DSCAML1: variants seen among roughly 807,000 people sequenced by gnomAD.
DSCAML1 encodes the protein cell adhesion molecule DSCAML1.
Under a neutral mutation model 200.5 loss-of-function variants are expected in DSCAML1, and 38 were observed. The ratio of observed to expected loss-of-function variants is 0.19; its 90% CI spans 0.15 to 0.25. The LOEUF is 0.25. Ranked by LOEUF, DSCAML1 falls within the 10% of genes least tolerant of loss-of-function variation. The pLI is 1.00. For missense variants in DSCAML1, 2,223 were observed against 2,858.8 expected (o/e 0.78, Z 5.07); for synonymous variants, 1,215 against 1,165.0 (o/e 1.04, Z -0.87).
At chr11:117,798,761 G>A (rs574808241), upstream of DSCAML1, among the ~76,000 whole-genome samples, 44 of 152,196 alleles carry the variant, frequency 2.9e-4, no homozygotes, top group Non-Finnish European at 5.6e-4. Flanking sequence ...TTCAAGGTTC[G>A]TCCTTTAAAC....
At chr11:117,655,131 G>A (rs1415155414) in intron 3 of DSCAML1, among the ~76,000 whole-genome samples, 1 of 152,206 alleles carries the variant, frequency 6.6e-6, no homozygotes, top group African/African-American at 2.4e-5. Context: ...CTCACACGCA[G>A]GTCTGCAGCC....
At chr11:117,686,638 C>A (rs2053404757) in intron 3 of DSCAML1, among the ~76,000 whole-genome samples, 1 of 152,214 alleles carries the variant, frequency 6.6e-6, no homozygotes, top group Non-Finnish European at 1.5e-5. Context: ...GACTACGGCA[C>A]CTTCAAGAGT....
At chr11:117,447,170 C>T (rs1350580786) in intron 20 of DSCAML1, among the ~76,000 whole-genome samples, 1 of 152,172 alleles carries the variant, frequency 6.6e-6, no homozygotes, top group African/African-American at 2.4e-5. Context: ...TGCCTGTAAT[C>T]TCAGCTCCTT....
chr11:117,630,773 G>A (rs1468947132), intron 3 of DSCAML1, among the ~76,000 whole-genome samples: 1 of 150,676 alleles, frequency 6.6e-6, no homozygotes, highest in Admixed American at 6.6e-5. Context: ...AGCCTTTCCT[G>A]AAAAGCATCC....
At chr11:117,721,044 G>A (rs2137795213) in intron 3 of DSCAML1, among the ~76,000 whole-genome samples, 1 of 152,322 alleles carries the variant, frequency 6.6e-6, no homozygotes, top group East Asian at 1.9e-4. Flanking sequence ...CCATTGTACA[G>A]ATGAGAAAAC....
chr11:117,599,804 C>T (rs571268568), intron 3 of DSCAML1, among the ~76,000 whole-genome samples: 10 of 152,274 alleles, frequency 6.6e-5, no homozygotes, highest in East Asian at 3.9e-4. Context: ...ACATCAATAG[C>T]GACGCACGCT....
intron 3 of DSCAML1, among the ~76,000 whole-genome samples, chr11:117,678,210 ATGG>A (rs1388717860): frequency 1.3e-5 from 2 of 152,126 alleles, no homozygotes; most frequent in Non-Finnish European, 2.9e-5. Flanking sequence ...CAGCTGGGGA[ATGG>A]TGAAGCCAGG....
chr11:117,624,449 G>A (rs531112838), intron 3 of DSCAML1, among the ~76,000 whole-genome samples: 1 of 152,196 alleles, frequency 6.6e-6, no homozygotes, highest in Non-Finnish European at 1.5e-5. Flanking sequence ...TTGAGGGGGC[G>A]AAGGTTGGAA....
intron 3 of DSCAML1, among the ~76,000 whole-genome samples, chr11:117,695,330 T>C (rs1425049403): frequency 6.7e-6 from 1 of 150,122 alleles, no homozygotes; most frequent in African/African-American, 2.4e-5. Context: ...TTTTTTTTTT[T>C]TTTTGCTAAC....
At chr11:117,601,614 G>A (rs1235123747) in intron 3 of DSCAML1, among the ~76,000 whole-genome samples, 1 of 152,130 alleles carries the variant, frequency 6.6e-6, no homozygotes, top group Admixed American at 6.5e-5. Flanking sequence ...CCTGAGAGAG[G>A]CAACACTATA....
intron 3 of DSCAML1, among the ~76,000 whole-genome samples, chr11:117,597,431 A>G (rs1297932971): frequency 1.3e-5 from 2 of 152,174 alleles, no homozygotes; most frequent in Admixed American, 1.3e-4. Flanking sequence ...AGCCTGCAAG[A>G]AGGAGGACCT....
intron 1 of DSCAML1, among the ~76,000 whole-genome samples, chr11:117,796,110 G>A (rs1380935836): frequency 6.6e-6 from 1 of 152,260 alleles, no homozygotes; most frequent in Non-Finnish European, 1.5e-5. Flanking sequence ...TCCCGACTCA[G>A]TGCCCAGGTG....
chr11:117,549,462 T>A (rs564751337), intron 3 of DSCAML1, among the ~76,000 whole-genome samples: 1 of 152,228 alleles, frequency 6.6e-6, no homozygotes, highest in Non-Finnish European at 1.5e-5. Context: ...TGAAGTCAGA[T>A]AGACTTCCGT....
chr11:117,625,017 G>A (rs1464600121), intron 3 of DSCAML1, among the ~76,000 whole-genome samples: 2 of 152,188 alleles, frequency 1.3e-5, no homozygotes, highest in Non-Finnish European at 2.9e-5. Context: ...TTGGTCTGGA[G>A]TGTGGCCGGG....
intron 3 of DSCAML1, among the ~76,000 whole-genome samples, chr11:117,624,453 G>T (rs2052001721): frequency 6.6e-6 from 1 of 152,190 alleles, no homozygotes; most frequent in East Asian, 1.9e-4. Flanking sequence ...GGGGGCGAAG[G>T]TTGGAAAGTC....
chr11:117,517,806 C>T (rs535457833), intron 7 of DSCAML1, among the ~76,000 whole-genome samples: 2 of 152,314 alleles, frequency 1.3e-5, no homozygotes, highest in African/African-American at 4.8e-5. Flanking sequence ...AGACTGTGTT[C>T]TCACCACAGT....
intron 28 of DSCAML1, 55 bp from the exon 29 acceptor site, chr11:117,433,311 G>T: frequency 6.4e-7 from 1 of 1,573,544 alleles, no homozygotes; most frequent in Non-Finnish European, 8.7e-7. Context: ...GGTTGGGGAA[G>T]GGGGCTCTGC....
chr11:117,482,692 G>C (rs1259624950), intron 11 of DSCAML1, among the ~76,000 whole-genome samples: 1 of 152,196 alleles, frequency 6.6e-6, no homozygotes, highest in African/African-American at 2.4e-5. Context: ...GCTGGTGACA[G>C]TCACGGGGCT....
At chr11:117,768,950 C>G (rs550107347) in intron 3 of DSCAML1, among the ~76,000 whole-genome samples, 19 of 150,400 alleles carry the variant, frequency 1.3e-4, no homozygotes, top group African/African-American at 4.6e-4. Flanking sequence ...GTGGTGTGTG[C>G]CTGTAATCCC....
Sources: gnomAD v4.1 joint callset for allele counts (sites outside exome capture counted in the v4.1 genomes callset) on GRCh38, gnomAD v4.1.1 for gene constraint, MANE v1.5 for transcripts, NCBI Gene and HGNC (gene_info 2026-07-23, HGNC 2026-07-21) for gene names.